The following SYT3 variants were observed in gnomAD, a reference collection of about 807,000 sequenced individuals.
The protein encoded by SYT3 is synaptotagmin 3.
SYT3 carries 25 observed loss-of-function variants against 50.6 expected under a neutral mutation model. The ratio of observed to expected loss-of-function variants is 0.49; its 90% CI spans 0.36 to 0.69. The LOEUF (loss-of-function observed/expected upper bound fraction) is 0.69. SYT3 is among the 30% of genes least tolerant of loss of function. The probability of loss-of-function intolerance (pLI) is 0.00; values close to 1 mark genes in which losing one functional copy is unlikely to be tolerated. For synonymous variants in SYT3, 323 were observed against 353.9 expected, an observed-to-expected ratio of 0.91 and a Z score of 0.98; for missense variants, 589 against 793.6, an observed-to-expected ratio of 0.74 and a Z score of 3.10.
chr19:50,623,695 GGGAGGCTGAAGCA>G (rs1162414183), intron 9 of SYT3, among the ~76,000 whole-genome samples: 1 of 149,838 alleles, frequency 6.7e-6, no homozygotes, highest in Non-Finnish European at 1.5e-5. Flanking sequence ...CCAGCTACTT[GGGAGGCTGAAGCA>G]GGAGAATCAC....
the SYT3 span, among the ~76,000 whole-genome samples, chr19:50,646,596 A>G: frequency 4.3e-3 from 662 of 152,192 alleles, 2 homozygotes; most frequent in Non-Finnish European, 7.0e-3. Flanking sequence ...CTGGAGAAGG[A>G]GCAGATAAAA....
chr19:50,635,875 T>G (rs1984480726), intron 3 of SYT3, among the ~76,000 whole-genome samples: 1 of 152,216 alleles, frequency 6.6e-6, no homozygotes, highest in African/African-American at 2.4e-5. Context: ...ACACCTGGTC[T>G]GTCCTGGACT....
At chr19:50,636,065 G>A (rs1032179012) in intron 3 of SYT3, among the ~76,000 whole-genome samples, 4 of 151,972 alleles carry the variant, frequency 2.6e-5, no homozygotes, top group African/African-American at 4.8e-5. Context: ...CCAGCCTGGC[G>A]AACAGGATGA....
chr19:50,642,014 A>G (rs1178702873), upstream of SYT3, among the ~76,000 whole-genome samples: 1 of 152,148 alleles, frequency 6.6e-6, no homozygotes, highest in African/African-American at 2.4e-5. Context: ...CCCTACCCCT[A>G]TTGCTGCCTA....
At chr19:50,641,937 T>C (rs1984690204), upstream of SYT3, among the ~76,000 whole-genome samples, 1 of 152,126 alleles carries the variant, frequency 6.6e-6, no homozygotes, top group South Asian at 2.1e-4. Context: ...AAAGTAAAAA[T>C]TGCTTGCTGC....
At chr19:50,634,193 G>T (rs1273771286) in intron 3 of SYT3, among the ~76,000 whole-genome samples, 1 of 152,204 alleles carries the variant, frequency 6.6e-6, no homozygotes, top group Non-Finnish European at 1.5e-5. Flanking sequence ...CAAGGAATGG[G>T]AATTTGTTTT....
chr19:50,653,076 C>T, the SYT3 span, among the ~76,000 whole-genome samples: 60 of 152,242 alleles, frequency 3.9e-4, no homozygotes, highest in African/African-American at 1.4e-3. Context: ...CTTGCTTTGT[C>T]GCCCAGGATG....
At chr19:50,627,351 C>T (rs1315321844) in intron 6 of SYT3, among the ~76,000 whole-genome samples, 2 of 152,194 alleles carry the variant, frequency 1.3e-5, no homozygotes, top group African/African-American at 2.4e-5. Context: ...ACACAAGGCC[C>T]GACCATCTAG....
Position 50,639,768 on chromosome 19 carries a change from G to A in SYT3, c.-154+22C>T. 1 of 153,738 alleles carries A rather than the reference G, an allele frequency of 6.5e-6. No homozygotes were observed. Among genetic ancestry groups the A allele is most frequent in the Non-Finnish European group, 1.4e-5 (1 of 70,970 alleles). The allele number at this position is 153,738 out of a possible 1,614,324, so 9.5% of individuals were successfully genotyped here. ...GACTGGGGCTGGGGCTGTGGCAGGA[G>A]GAGGGGGAGGAGCGGACTCACCCGG... On this transcript the variant is annotated intron_variant, in intron 1 of 10. Transcript: ENST00000600079. This position sits in a 1 kb window ranked among gnomAD's most constrained non-coding sequence, Gnocchi z 4.6.
chr19:50,646,853 C>T, the SYT3 span, among the ~76,000 whole-genome samples: 1 of 151,744 alleles, frequency 6.6e-6, no homozygotes, highest in African/African-American at 2.4e-5. Context: ...TTGTTTGAGA[C>T]AGAGTCTTGC....
At chr19:50,646,496 C>T in the SYT3 span, among the ~76,000 whole-genome samples, 1 of 152,136 alleles carries the variant, frequency 6.6e-6, no homozygotes, top group Non-Finnish European at 1.5e-5. Flanking sequence ...AGAAGCCTGG[C>T]CCTTGTGGCG....
chr19:50,650,804 C>A, the SYT3 span, among the ~76,000 whole-genome samples: 1 of 152,232 alleles, frequency 6.6e-6, no homozygotes, highest in South Asian at 2.1e-4. Flanking sequence ...GCAAAACAGG[C>A]GTTGTTTCTC....
chr19:50,630,981 T>A (rs1451157863), intron 4 of SYT3, among the ~76,000 whole-genome samples: 1 of 151,944 alleles, frequency 6.6e-6, no homozygotes, highest in Non-Finnish European at 1.5e-5. Context: ...CCCACTCCCA[T>A]ATGGCCCCAG....
chr19:50,638,272 C>T (rs1038536570), intron 2 of SYT3, among the ~76,000 whole-genome samples: 1 of 152,000 alleles, frequency 6.6e-6, no homozygotes, highest in East Asian at 1.9e-4. Context: ...ACAGTAGGAG[C>T]AGGATGACAG....
upstream of SYT3, among the ~76,000 whole-genome samples, chr19:50,644,171 T>C (rs1163587829): frequency 3.3e-5 from 5 of 152,226 alleles, no homozygotes; most frequent in African/African-American, 1.2e-4. Flanking sequence ...GTTGAATGAA[T>C]GAATGAACAT....
intron 3 of SYT3, among the ~76,000 whole-genome samples, chr19:50,633,541 G>A (rs1175517467): frequency 6.6e-6 from 1 of 152,206 alleles, no homozygotes; most frequent in African/African-American, 2.4e-5. Context: ...GTTAGGCAGG[G>A]CAGGGTTTAA....
the SYT3 span, among the ~76,000 whole-genome samples, chr19:50,653,704 AC>A: frequency 1.4e-5 from 2 of 145,402 alleles, no homozygotes; most frequent in African/African-American, 5.4e-5. Context: ...ACACACACAC[AC>A]ACACACACAC....
the SYT3 span, among the ~76,000 whole-genome samples, chr19:50,645,170 T>C: frequency 6.6e-6 from 1 of 152,220 alleles, no homozygotes; most frequent in East Asian, 1.9e-4. Flanking sequence ...CTGCCACCAC[T>C]GCGGCGCTGA....
rs1599816437 is a variant in SYT3, at chr19:50,629,952, T to G, written c.894A>C (p.Ala298=). The part of the protein sequence containing the change: ...GPGSGEAGTG[A]PCGRISFALR... ...GGGCGAAGCTGATACGGCCACAGGG[T>G]GCCCCTGTGCCTGCCTCTCCAGAGC... Residue 298 remains alanine (A), a synonymous_variant, in exon 5 of 11, where the codon GCA becomes GCC. Coordinates refer to ENST00000600079, the MANE Select transcript of SYT3 (RefSeq NM_001160329.2). 1 of 1,613,640 alleles carries G rather than the reference T, an allele frequency of 6.2e-7. No individual in the cohort carries two copies. Among genetic ancestry groups the G allele is most frequent in the Non-Finnish European group, 8.5e-7 (1 of 1,179,828 alleles).
Sources: allele counts gnomAD v4.1 joint callset (sites outside exome capture counted in the v4.1 genomes callset), GRCh38; gene constraint gnomAD v4.1.1; non-coding constraint Gnocchi (gnomAD v3.1); transcripts MANE v1.5; gene names NCBI Gene and HGNC (gene_info 2026-07-23, HGNC 2026-07-21).